SYMPK: variants seen among roughly 807,000 people sequenced by gnomAD.
SYMPK encodes symplekin.
SYMPK carries 49 observed loss-of-function variants against 136.4 expected under a neutral mutation model. The observed-to-expected ratio is 0.36, with a 90% CI of 0.29 to 0.46. SYMPK has a LOEUF of 0.46. Ranked by LOEUF, SYMPK falls within the 20% of genes least tolerant of loss-of-function variation. The pLI is 1.00. For missense variants in SYMPK, 1,365 were observed against 1,690.0 expected (o/e 0.81, Z 3.37); for synonymous variants, 766 against 713.0 (o/e 1.07, Z -1.19).
At chr19:45,817,283 C>A (rs1970768948) in intron 23 of SYMPK, 1 of 392,196 alleles carries the variant, frequency 2.5e-6, no homozygotes. Context: ...CGGCAGCCTC[C>A]AGGGGGCGAA....
chr19:45,816,173 TC>T lies in SYMPK; in HGVS notation c.3364del (p.Glu1122SerfsTer3). On this transcript the variant is annotated frameshift_variant, in exon 26 of 27. Coordinates refer to ENST00000245934, the MANE Select transcript of SYMPK (RefSeq NM_004819.3). LOFTEE classifies it high-confidence loss of function. ...PAGPLEEDDLEPLTLAPAPAP... is the reference protein window; with the variant it reads ...PAGPLEEDDLXPLTLAPAPAP... ...TGGGGCCGGGGCCAAGGTCAGGGGC[TC>T]CAGATCATCCTGGGGATAGGGAGGG... The T allele has an allele frequency of 6.5e-7, 1 of 1,536,222 alleles. No homozygotes were observed. The highest frequency in any genetic ancestry group is 2.0e-5 in the Admixed American group (1 of 50,480).
chr19:45,847,657 A>T, intron 7 of SYMPK, 95 bp downstream of exon 7: 1 of 1,478,760 alleles, frequency 6.8e-7, no homozygotes, highest in Non-Finnish European at 9.1e-7. Flanking sequence ...CCAGAAATTT[A>T]AAACCAAAAA....
rs766621166 is a variant in SYMPK at position 45,847,793 on chromosome 19, C to A, written c.635G>T (p.Ser212Ile). ...GTGGTCACGAGGGATGCGGTCCAGG[C>A]TGATATCATGCTCCTGGCGTCGGGG... The part of the protein sequence containing the change: ...EIPRRQEHDI[S>I]LDRIPRDHPY... The change falls in exon 7 of 27, where the codon AGC becomes ATC. Residue 212 changes from serine (S) to isoleucine (I), a missense_variant. Transcript: ENST00000245934. 1.2e-6 allele frequency: 2 copies of A among 1,614,102 alleles called. No individual in the cohort carries two copies. Among genetic ancestry groups the A allele is most frequent in the Admixed American group, 1.7e-5 (1 of 59,994 alleles).
rs1308891481 is a variant in SYMPK, at chr19:45,818,004, C to G, written c.3036G>C (p.Leu1012=). The change falls in exon 23 of 27, where the codon CTG becomes CTC. Residue 1012 remains leucine (L), a synonymous_variant. Transcript: ENST00000245934. ...VIQSLTMYPR[L]GGFVMNILSR... ...ACAGGATGTTCATGACGAAGCCCCC[C>G]AGGCGGGGGTACATGGTCAGGGACT... is the stretch of plus-strand genomic sequence containing the variant. 6.3e-7 allele frequency: 1 copy of G among 1,581,376 alleles called. No individual in the cohort carries two copies. The highest frequency in any genetic ancestry group is 1.8e-5 in the Admixed American group (1 of 55,202).
At chr19:45,836,023 C>T (rs76599510) in intron 10 of SYMPK, among the ~76,000 whole-genome samples, 19,135 of 152,076 alleles carry the variant, frequency 0.13, 1,419 homozygotes, top group South Asian at 0.18. Flanking sequence ...CCCCCAGAAT[C>T]CTAACAGAGA....
intron 5 of SYMPK, among the ~76,000 whole-genome samples, chr19:45,851,112 G>A (rs1244087094): frequency 6.6e-6 from 1 of 152,202 alleles, no homozygotes; most frequent in Non-Finnish European, 1.5e-5. Context: ...GCCAGCTGGG[G>A]TCTGAGAGCA....
At chr19:45,851,482 G>A (rs1389763897) in intron 5 of SYMPK, among the ~76,000 whole-genome samples, 2 of 151,792 alleles carry the variant, frequency 1.3e-5, no homozygotes, top group Non-Finnish European at 2.9e-5. Context: ...GGAGGCTGAG[G>A]CACAAGAATC....
Position 45,831,515 on chromosome 19 carries a change from G to C in SYMPK, c.1467C>G (p.Ile489Met). 3 of 1,611,402 alleles carry C rather than the reference G, an allele frequency of 1.9e-6. No homozygotes were observed. Among genetic ancestry groups the C allele is most frequent in the Non-Finnish European group, 2.5e-6 (3 of 1,179,082 alleles). The change falls in exon 12 of 27, where the codon ATC becomes ATG. Residue 489 changes from isoleucine (I) to methionine (M), a missense_variant. Physicochemically the swap from Ile to Met is conservative, Grantham distance 10 (BLOSUM62 1). Transcript: ENST00000245934. ...GGCCCTGGGCTGACAGGCGCCGCTTGATCAGGACGCTCTCTGTCTTCACCA... is the reference window on the plus strand; with the variant it reads ...GGCCCTGGGCTGACAGGCGCCGCTTCATCAGGACGCTCTCTGTCTTCACCA... The part of the protein sequence containing the change: ...EKVVKTESVL[I>M]KRRLSAQGQA...
At chr19:45,839,621 G>C (rs1182562966) in intron 9 of SYMPK, among the ~76,000 whole-genome samples, 1 of 151,986 alleles carries the variant, frequency 6.6e-6, no homozygotes, top group Non-Finnish European at 1.5e-5. Flanking sequence ...ATGAGGTCAG[G>C]AGATCGAGAC....
At chr19:45,829,921 G>A (rs1861818477) in intron 13 of SYMPK, 133 bp downstream of exon 13, 2 of 1,012,530 alleles carry the variant, frequency 2.0e-6, no homozygotes, top group Admixed American at 2.9e-5. Context: ...ATCTGGAGAA[G>A]CGGCTGTGGG....
rs1333116056 is a variant in SYMPK, at chr19:45,823,651, GCA to G, written c.2599+114_2599+115del. ...TGGAGAAACTGAGGCCCTAGGACAGGCACAGACCCGCAAGAGGTACGACCATC... is the reference window on the plus strand; with the variant it reads ...TGGAGAAACTGAGGCCCTAGGACAGGCAGACCCGCAAGAGGTACGACCATC... On this transcript the variant is annotated intron_variant, in intron 19 of 26. Transcript: ENST00000245934. 8.8e-6 allele frequency: 9 copies of G among 1,018,804 alleles called. No individual in the cohort carries two copies. In the East Asian group the frequency reaches 2.3e-4, roughly 26 times the overall value. 63.1% of individuals were successfully genotyped at this position (1,018,804 alleles called of 1,614,324 possible). A position where few individuals can be genotyped will look rare whatever the true frequency, so the allele number is the denominator to read the frequency against.
chr19:45,860,389 A>G (rs11666745), intron 1 of SYMPK, among the ~76,000 whole-genome samples: 21,472 of 151,364 alleles, frequency 0.14, 1,605 homozygotes, highest in South Asian at 0.18. Flanking sequence ...ATTTGGGAGG[A>G]GGAGGTTGCA....
In SYMPK at chr19:45,815,536, AC is replaced by A. The variant is rs34838090; in HGVS notation, c.*23del. 1 of 720,166 alleles carries A rather than the reference AC, an allele frequency of 1.4e-6. No individual in the cohort carries two copies. Among genetic ancestry groups the A allele is most frequent in the Admixed American group, 6.3e-5 (1 of 15,954 alleles). The allele number at this position is 720,166 out of a possible 1,614,324, so 44.6% of individuals were successfully genotyped here. A position where few individuals can be genotyped will look rare whatever the true frequency, so the allele number is the denominator to read the frequency against. On this transcript the variant is annotated 3_prime_UTR_variant, in exon 27 of 27. Transcript: ENST00000245934. ...TCCCCCAGCCCCGAGTCCCTGTCCC[AC>A]CCCCTTTCCCCCTCGAGCCCCGTCA...
At chr19:45,858,403 C>T (rs1270753074) in intron 1 of SYMPK, among the ~76,000 whole-genome samples, 1 of 152,218 alleles carries the variant, frequency 6.6e-6, no homozygotes, top group South Asian at 2.1e-4. Flanking sequence ...TTGTGCCTCT[C>T]TTCCGTCTGC....
intron 5 of SYMPK, among the ~76,000 whole-genome samples, chr19:45,850,581 G>A (rs1405243542): frequency 6.6e-6 from 1 of 152,128 alleles, no homozygotes; most frequent in South Asian, 2.1e-4. Flanking sequence ...AGTATCCATC[G>A]AGGCTGCCAT....
rs1031136090 is a variant in SYMPK at position 45,821,616 on chromosome 19, G to A, written c.2792-131C>T. On this transcript the variant is annotated intron_variant, in intron 21 of 26. Transcript: ENST00000245934. The surrounding 1 kb of genome is among the most constrained non-coding windows in gnomAD (Gnocchi z 4.4). ...CCCTCTGCTTTCAGGGCTGGAACAG[G>A]GGAAGCGACTGACAACATAAAAAGG... 7.5e-6 allele frequency: 5 copies of A among 668,056 alleles called. No homozygotes were observed. Among genetic ancestry groups the A allele is most frequent in the Middle Eastern group, 3.2e-4 (1 of 3,174 alleles). The allele number at this position is 668,056 out of a possible 1,614,324, so 41.4% of individuals were successfully genotyped here.
intron 19 of SYMPK, 87 bp downstream of exon 19, chr19:45,823,679 TG>T: frequency 2.4e-6 from 3 of 1,231,986 alleles, no homozygotes; most frequent in Non-Finnish European, 3.5e-6. Context: ...TACGACCATC[TG>T]GGGACCCAGC....
chr19:45,859,543 C>T lies in SYMPK; in HGVS notation c.-13+3515G>A, dbSNP rs149182884. Among the ~76,000 whole-genome samples, 506 of 152,022 alleles carry T rather than the reference C, an allele frequency of 3.3e-3. 4 individuals are homozygous for T. Among genetic ancestry groups the T allele is most frequent in the African/African-American group, 0.012 (478 of 41,482 alleles). On this transcript the variant is annotated intron_variant, in intron 1 of 26. Coordinates refer to ENST00000245934, the MANE Select transcript of SYMPK (RefSeq NM_004819.3). ...TGAGCCTGGGAGGCAGACGTTGCAG[C>T]GAGCCGAGATTGCGCCACTGCACTC...
Position 45,815,892 on chromosome 19 carries a change from C to A in SYMPK, c.3646G>T (p.Ala1216Ser), listed in dbSNP as rs1970719597. 1 of 1,612,216 alleles carries A rather than the reference C, an allele frequency of 6.2e-7. No individual in the cohort carries two copies. Among genetic ancestry groups the A allele is most frequent in the African/African-American group, 1.3e-5 (1 of 74,908 alleles). The change falls in exon 26 of 27, where the codon GCC becomes TCC. Residue 1216 changes from alanine to serine, a missense_variant. Physicochemically the swap from Ala to Ser is moderately conservative, Grantham distance 99. This residue lies in a region of SYMPK where 341 missense variants were observed against 270.5 expected (regional missense o/e 1.26). Coordinates refer to ENST00000245934, the MANE Select transcript of SYMPK (RefSeq NM_004819.3). ...TCGAGACTAGAGTCCAACAGCGCGGCCTCGGTCAGCCCCGAGTCGTCATCC... is the reference window on the plus strand; with the variant it reads ...TCGAGACTAGAGTCCAACAGCGCGGACTCGGTCAGCCCCGAGTCGTCATCC... ...SMDDDSGLTE[A>S]ALLDSSLEGP...
Sources: gnomAD v4.1 joint callset for allele counts (sites outside exome capture counted in the v4.1 genomes callset) on GRCh38, gnomAD v4.1.1 for gene constraint, gnomAD v4.1.1 regional missense constraint, Gnocchi (gnomAD v3.1) non-coding constraint, MANE v1.5 for transcripts, NCBI Gene and HGNC (gene_info 2026-07-23, HGNC 2026-07-21) for gene names.